ZBTB49: variants seen among roughly 807,000 people sequenced by gnomAD.
ZBTB49 encodes the protein zinc finger and BTB domain-containing protein 49.
A neutral mutation model predicts 57.5 loss-of-function variants in ZBTB49; 43 were observed. That is an observed-to-expected ratio of 0.75 (90% CI 0.59 to 0.97). The LOEUF is 0.97. ZBTB49 is among the 50% of genes least tolerant of loss of function. The pLI, the probability that ZBTB49 is intolerant of heterozygous loss-of-function variation, is 0.00. For missense variants in ZBTB49, 938 were observed against 947.7 expected, an observed-to-expected ratio of 0.99 and a Z score of 0.13; for synonymous variants, 369 against 362.1, an observed-to-expected ratio of 1.02 and a Z score of -0.22.
At chr4:4,315,462 T>G (rs1002526489) in intron 5 of ZBTB49, among the ~76,000 whole-genome samples, 174 bp from the exon 6 acceptor site, 7 of 150,592 alleles carry the variant, frequency 4.6e-5, no homozygotes, top group African/African-American at 1.7e-4. Context: ...CTGCTTTTCT[T>G]AAAAAAATAG....
Position 4,302,934 on chromosome 4 carries a change from T to G in ZBTB49, c.1098T>G (p.Asn366Lys), listed in dbSNP as rs759344500. The G allele has an allele frequency of 5.0e-6, 8 of 1,614,112 alleles. No individual in the cohort carries two copies. The highest frequency in any genetic ancestry group is 1.3e-5 in the African/African-American group (1 of 74,928). The change falls in exon 3 of 8, where the codon AAT becomes AAG. Residue 366 changes from asparagine (N) to lysine (K), a missense_variant. By Grantham distance (94) the Asn-to-Lys change is moderately conservative (BLOSUM62 0). Around this residue, in one of 3 missense-constraint regions of ZBTB49, gnomAD observed 835 missense variants for 819.1 expected, o/e 1.02. Transcript: ENST00000337872. ...GTGAAGAAGTCGTCAGTTGTGAGAA[T>G]TTTAATTGCATTAGTGAGACGGAGA... ...KESEEVVSCE[N>K]FNCISETERP...
Position 4,321,381 on chromosome 4 carries a change from G to A in ZBTB49, c.*65G>A. Reference sequence around the variant, plus strand: ...TAGCAGGCTGGTGTTAAGGCTGTAGGAGGACCCAGTTTCCCCATGACAGTG... The same window carrying A: ...TAGCAGGCTGGTGTTAAGGCTGTAGAAGGACCCAGTTTCCCCATGACAGTG... On this transcript the variant is annotated 3_prime_UTR_variant, in exon 8 of 8. Transcript: ENST00000337872. 1 of 1,540,446 alleles carries A rather than the reference G, an allele frequency of 6.5e-7. No individual in the cohort carries two copies. Among genetic ancestry groups the A allele is most frequent in the Non-Finnish European group, 8.8e-7 (1 of 1,138,524 alleles).
At chr4:4,313,371 A>G (rs1373363422) in intron 5 of ZBTB49, among the ~76,000 whole-genome samples, 2 of 152,256 alleles carry the variant, frequency 1.3e-5, no homozygotes, top group Non-Finnish European at 2.9e-5. Flanking sequence ...AAATGCAACA[A>G]AATTATTTTA....
chr4:4,315,984 T>C lies in ZBTB49; in HGVS notation c.1621+14T>C. On this transcript the variant is annotated intron_variant, in intron 7 of 7. Coordinates refer to ENST00000337872, the MANE Select transcript of ZBTB49 (RefSeq NM_145291.4). ...GCTCTGCCTGCGGTGAGTTTGGGTTTCTGGCTGTCCCCTAGTCATCTGTGT... is the reference window on the plus strand; with the variant it reads ...GCTCTGCCTGCGGTGAGTTTGGGTTCCTGGCTGTCCCCTAGTCATCTGTGT... 1.2e-6 allele frequency: 2 copies of C among 1,613,156 alleles called. No individual in the cohort carries two copies. Among genetic ancestry groups the C allele is most frequent in the Non-Finnish European group, 1.7e-6 (2 of 1,179,504 alleles).
chr4:4,294,614 C>A (rs770007570), intron 1 of ZBTB49, among the ~76,000 whole-genome samples: 2 of 152,136 alleles, frequency 1.3e-5, no homozygotes, highest in Non-Finnish European at 2.9e-5. Flanking sequence ...CTCGGCCTCC[C>A]AAAGTGGTAG....
chr4:4,320,643 A>G lies in ZBTB49; in HGVS notation c.1625A>G (p.Lys542Arg). ...ATAACTGTTTTTCTTTTTCCAGGGA[A>G]ATGTTTTGGGGGATCAGGTGACCTC... ...ERPYSCSACG[K>R]CFGGSGDLRR... The change falls in exon 8 of 8, where the codon AAA becomes AGA. Residue 542 changes from lysine (K) to arginine (R), a missense_variant. Transcript: ENST00000337872. The G allele has an allele frequency of 6.2e-7, 1 of 1,613,252 alleles. No individual in the cohort carries two copies. The highest frequency in any genetic ancestry group is 8.5e-7 in the Non-Finnish European group (1 of 1,179,844).
chr4:4,318,162 G>A (rs564192960), intron 7 of ZBTB49, among the ~76,000 whole-genome samples: 2 of 152,100 alleles, frequency 1.3e-5, no homozygotes, highest in South Asian at 2.1e-4. Flanking sequence ...AGCTCCTCTC[G>A]ACTCGAAAGA....
rs1432434139 is a variant in ZBTB49, at chr4:4,302,939, A to G, written c.1103A>G (p.Asn368Ser). 1 of 1,614,228 alleles carries G rather than the reference A, an allele frequency of 6.2e-7. No homozygotes were observed. The highest frequency in any genetic ancestry group is 1.1e-5 in the South Asian group (1 of 91,090). Residue 368 changes from asparagine to serine, a missense_variant, in exon 3 of 8, where the codon AAT becomes AGT. This residue lies in a region of ZBTB49 where 835 missense variants were observed against 819.1 expected (regional missense o/e 1.02). Coordinates refer to ENST00000337872, the MANE Select transcript of ZBTB49 (RefSeq NM_145291.4). The stretch of plus-strand genomic sequence containing the variant: ...GAAGTCGTCAGTTGTGAGAATTTTA[A>G]TTGCATTAGTGAGACGGAGAGGCCT... ...SEEVVSCENF[N>S]CISETERPED... is the part of the protein sequence containing the mutation.
At chr4:4,301,515 C>T (rs1328121413) in intron 2 of ZBTB49, among the ~76,000 whole-genome samples, 1 of 151,620 alleles carries the variant, frequency 6.6e-6, no homozygotes, top group Non-Finnish European at 1.5e-5. Context: ...GGTTTATGGC[C>T]TAAAATATAA....
intron 3 of ZBTB49, among the ~76,000 whole-genome samples, chr4:4,305,177 A>G (rs1720684049): frequency 6.6e-6 from 1 of 151,450 alleles, no homozygotes; most frequent in African/African-American, 2.4e-5. Flanking sequence ...ATATAAATAT[A>G]ATTATTCAGG....
chr4:4,302,654 C>T lies in ZBTB49; in HGVS notation c.818C>T (p.Pro273Leu), dbSNP rs749288007. ...ATCCTGGAGTCTCCCGAGCACTTACCTTCCAACTTCCTGGCCCAGCCTGTG... is the reference window on the plus strand; with the variant it reads ...ATCCTGGAGTCTCCCGAGCACTTACTTTCCAACTTCCTGGCCCAGCCTGTG... ...ECILESPEHL[P>L]SNFLAQPVND... The change falls in exon 3 of 8, where the codon CCT becomes CTT. Residue 273 changes from proline to leucine, a missense_variant. Physicochemically the swap from Pro to Leu is moderately conservative, Grantham distance 98. Around this residue, in one of 3 missense-constraint regions of ZBTB49, gnomAD observed 835 missense variants for 819.1 expected, o/e 1.02. Transcript: ENST00000337872. 6.2e-6 allele frequency: 10 copies of T among 1,610,556 alleles called. No homozygotes were observed. Among genetic ancestry groups the T allele is most frequent in the Admixed American group, 3.4e-5 (2 of 59,666 alleles).
At position 4,302,186 on chromosome 4, in the gene ZBTB49, TA is replaced by T. The variant is rs751243751; in HGVS notation, c.354del (p.Lys118AsnfsTer5). ...QNVLSLCHTF[L>X]KSATVVQPPG... ...GTTCTGAGTCTGTGTCACACATTTT[TA>T]AAATCAGCCACTGTAGTACAGCCAC... On this transcript the variant is annotated frameshift_variant, in exon 3 of 8. Transcript: ENST00000337872. LOFTEE classifies it high-confidence loss of function. 6.2e-7 allele frequency: 1 copy of T among 1,614,250 alleles called. No individual in the cohort carries two copies. The highest frequency in any genetic ancestry group is 1.7e-5 in the Admixed American group (1 of 60,030).
At position 4,315,949 on chromosome 4, in the gene ZBTB49, C is replaced by A; in HGVS notation, c.1600C>A (p.Pro534Thr). Residue 534 changes from proline to threonine, a missense_variant, in exon 7 of 8, where the codon CCT becomes ACT. Physicochemically the swap from Pro to Thr is conservative, Grantham distance 38. This residue lies in a region of ZBTB49 where 835 missense variants were observed against 819.1 expected (regional missense o/e 1.02). Transcript: ENST00000337872. ...CAGAATTCGGCACACGGGGGAGCGG[C>A]CTTACAGCTGCTCTGCCTGCGGTGA... The part of the protein sequence containing the change: ...KHRIRHTGER[P>T]YSCSACGKCF... 1 of 1,614,006 alleles carries A rather than the reference C, an allele frequency of 6.2e-7. No homozygotes were observed. Among genetic ancestry groups the A allele is most frequent in the African/African-American group, 1.3e-5 (1 of 75,048 alleles).
At chr4:4,299,167 A>ACTGCCACTCAG (rs567957999) in intron 1 of ZBTB49, among the ~76,000 whole-genome samples, 96 of 152,250 alleles carry the variant, frequency 6.3e-4, no homozygotes, top group African/African-American at 2.1e-3. Context: ...CCACTCACTC[A>ACTGCCACTCAG]GCCACACCTG....
At chr4:4,299,727 G>T (rs1312119512) in intron 1 of ZBTB49, among the ~76,000 whole-genome samples, 200 bp from the exon 2 acceptor site, 1 of 151,856 alleles carries the variant, frequency 6.6e-6, no homozygotes, top group African/African-American at 2.4e-5. Flanking sequence ...TTTCCATCAT[G>T]ACAGGTAATT....
At chr4:4,316,026 C>T (rs970372792) in intron 7 of ZBTB49, 56 bp downstream of exon 7, 3 of 1,591,138 alleles carry the variant, frequency 1.9e-6, no homozygotes, top group African/African-American at 2.7e-5. Context: ...AGGGCTTTGT[C>T]CCCCAGCCCT....
Position 4,321,185 on chromosome 4 carries a change from G to A in ZBTB49, c.2167G>A (p.Gly723Ser), listed in dbSNP as rs143670850. The A allele has an allele frequency of 6.2e-6, 10 of 1,614,168 alleles. No homozygotes were observed. Among genetic ancestry groups the A allele is most frequent in the Middle Eastern group, 1.6e-4 (1 of 6,062 alleles). Residue 723 changes from glycine (G) to serine (S), a missense_variant, in exon 8 of 8, where the codon GGC becomes AGC. By Grantham distance (56) the Gly-to-Ser change is moderately conservative. Around this residue, in one of 3 missense-constraint regions of ZBTB49, gnomAD observed 835 missense variants for 819.1 expected, o/e 1.02. Coordinates refer to ENST00000337872, the MANE Select transcript of ZBTB49 (RefSeq NM_145291.4). Reference protein sequence around the residue: ...RSSLAALDNHGGDPLGSRASS... With the variant: ...RSSLAALDNHSGDPLGSRASS... ...CTCTCTGGCTGCTTTGGACAACCAC[G>A]GCGGTGACCCCCTGGGCAGTCGAGC...
chr4:4,290,897 C>T (rs900949732), intron 1 of ZBTB49, among the ~76,000 whole-genome samples: 4 of 152,234 alleles, frequency 2.6e-5, no homozygotes, highest in African/African-American at 9.6e-5. Context: ...TGAGTTGGTG[C>T]ATGTAAATCG....
intron 4 of ZBTB49, among the ~76,000 whole-genome samples, chr4:4,306,895 A>G (rs964956657): frequency 6.6e-6 from 1 of 152,248 alleles, no homozygotes; most frequent in African/African-American, 2.4e-5. Flanking sequence ...TTCAGGGCAC[A>G]GTCACTGGCA....
Sources: allele counts gnomAD v4.1 joint callset (sites outside exome capture counted in the v4.1 genomes callset), GRCh38; gene constraint gnomAD v4.1.1; regional missense constraint gnomAD v4.1.1; transcripts MANE v1.5; gene names NCBI Gene and HGNC (gene_info 2026-07-23, HGNC 2026-07-21).